STMN2: variants seen among roughly 807,000 people sequenced by gnomAD.
The protein encoded by STMN2 is stathmin-2.
A neutral mutation model predicts 24.1 loss-of-function variants in STMN2; 2 were observed. That is an observed-to-expected ratio of 0.08 (90% confidence interval 0.03 to 0.26). The LOEUF (loss-of-function observed/expected upper bound fraction) is 0.26, where lower values mean the gene tolerates loss of function less well. STMN2 is among the 10% of genes least tolerant of loss of function. The probability of loss-of-function intolerance (pLI) is 1.00; values close to 1 mark genes in which losing one functional copy is unlikely to be tolerated. For synonymous variants in STMN2, 83 were observed against 77.5 expected, an observed-to-expected ratio of 1.07 and a Z score of -0.37; for missense variants, 114 against 213.6, an observed-to-expected ratio of 0.53 and a Z score of 2.91.
chr8:79,650,061 T>C (rs956102894), intron 3 of STMN2, among the ~76,000 whole-genome samples: 9 of 152,176 alleles, frequency 5.9e-5, no homozygotes, highest in African/African-American at 2.2e-4. Context: ...TCGAGAAGGT[T>C]CTTTAGTCTC....
At chr8:79,618,261 T>G (rs940040592) in intron 1 of STMN2, among the ~76,000 whole-genome samples, 1 of 152,228 alleles carries the variant, frequency 6.6e-6, no homozygotes, top group African/African-American at 2.4e-5. Flanking sequence ...TGATTTAGGC[T>G]TTGGGAGAAA....
chr8:79,612,100 G>C (rs1490780993), intron 1 of STMN2, among the ~76,000 whole-genome samples: 3 of 112,900 alleles, frequency 2.7e-5, no homozygotes, highest in Non-Finnish European at 5.1e-5. Flanking sequence ...ATCTTCATTC[G>C]AAAGGGGGTC....
chr8:79,644,562 C>T (rs7823140), intron 3 of STMN2, among the ~76,000 whole-genome samples: 5 of 152,100 alleles, frequency 3.3e-5, no homozygotes, highest in African/African-American at 1.2e-4. Flanking sequence ...CACTGACCTG[C>T]AAAGGATTTT....
Position 79,631,540 on chromosome 8 carries a change from G to A in STMN2, c.20-5262G>A, listed in dbSNP as rs1479530030. On this transcript the variant is annotated intron_variant, in intron 1 of 4. Coordinates refer to ENST00000220876, the MANE Select transcript of STMN2 (RefSeq NM_007029.4). ...GTGATCTTCTGATATGTTAAAAAGG[G>A]TATTTTAAAATCTGAGTTATTTCTT... 7 of 770,762 alleles carry A rather than the reference G, an allele frequency of 9.1e-6. No homozygotes were observed. The African/African-American group carries it at 1.1e-4, about 12-fold the overall frequency. The allele number at this position is 770,762 out of a possible 1,614,324, so 47.7% of individuals were successfully genotyped here.
intron 1 of STMN2, among the ~76,000 whole-genome samples, chr8:79,613,312 G>T (rs1014693563): frequency 1.3e-5 from 2 of 152,178 alleles, no homozygotes; most frequent in Non-Finnish European, 2.9e-5. Context: ...GGGTGGGGGC[G>T]CACGTGGCGA....
chr8:79,615,755 G>C (rs1809369230), intron 1 of STMN2, among the ~76,000 whole-genome samples: 1 of 152,202 alleles, frequency 6.6e-6, no homozygotes, highest in Non-Finnish European at 1.5e-5. Flanking sequence ...CCTAGTGGAT[G>C]AACAGAGCTT....
chr8:79,643,149 G>GTGTGTATATATATATATATATATATATA (rs764308760), intron 3 of STMN2, among the ~76,000 whole-genome samples: 18 of 140,092 alleles, frequency 1.3e-4, no homozygotes, highest in African/African-American at 4.7e-4. Context: ...ATGTGTGTGT[G>GTGTGTATATATATATATATATATATATA]TATATATATA....
At chr8:79,663,116 A>G (rs1806534286) in intron 4 of STMN2, among the ~76,000 whole-genome samples, 1 of 152,118 alleles carries the variant, frequency 6.6e-6, no homozygotes, top group Non-Finnish European at 1.5e-5. Context: ...CTCTTTCTCT[A>G]GAGTCAACTT....
chr8:79,618,231 G>C (rs766984559), intron 1 of STMN2, among the ~76,000 whole-genome samples: 13 of 152,154 alleles, frequency 8.5e-5, no homozygotes, highest in Non-Finnish European at 1.3e-4. Context: ...CTTACCTGGG[G>C]CTTATTCAAA....
chr8:79,636,869 T>C lies in STMN2; in HGVS notation c.87T>C (p.Pro29=), dbSNP rs1585891813. ...SLICSCFYPE[P]RNINIYTYDD... is the part of the protein sequence containing the mutation. ...TCTGCTCTTGCTTTTACCCGGAACC[T>C]CGCAACATCAACATCTATACTTACG... The change falls in exon 2 of 5, where the codon CCT becomes CCC. Residue 29 remains proline, a synonymous_variant. Transcript: ENST00000220876. 6.2e-7 allele frequency: 1 copy of C among 1,613,850 alleles called. No homozygotes were observed. Among genetic ancestry groups the C allele is most frequent in the Non-Finnish European group, 8.5e-7 (1 of 1,179,810 alleles).
chr8:79,627,694 CATAT>C (rs1000624614), intron 1 of STMN2, among the ~76,000 whole-genome samples: 1 of 151,874 alleles, frequency 6.6e-6, no homozygotes, highest in Non-Finnish European at 1.5e-5. Context: ...TTATGCCTAT[CATAT>C]ATATACTTAT....
intron 1 of STMN2, among the ~76,000 whole-genome samples, chr8:79,624,420 C>G (rs1305525148): frequency 6.6e-5 from 9 of 136,122 alleles, no homozygotes; most frequent in East Asian, 2.2e-4. Context: ...TACCACTGCA[C>G]TCCAGCCTGG....
intron 3 of STMN2, among the ~76,000 whole-genome samples, chr8:79,644,643 A>C (rs1169358075): frequency 2.6e-5 from 4 of 152,230 alleles, no homozygotes; most frequent in Admixed American, 6.5e-5. Flanking sequence ...TTCTCACAAG[A>C]GGAAGGGGTA....
At chr8:79,613,640 T>C (rs1379931888) in intron 1 of STMN2, 2 of 985,372 alleles carry the variant, frequency 2.0e-6, no homozygotes, top group Middle Eastern at 5.2e-4. Context: ...AATGATTCAG[T>C]AGCCTTGTTT....
chr8:79,640,726 A>T (rs1167204367), intron 2 of STMN2, among the ~76,000 whole-genome samples: 18 of 152,222 alleles, frequency 1.2e-4, no homozygotes. Flanking sequence ...TGCATGATTG[A>T]TGACTGGAAG....
chr8:79,623,196 G>A (rs1297514034), intron 1 of STMN2, among the ~76,000 whole-genome samples: 1 of 152,166 alleles, frequency 6.6e-6, no homozygotes, highest in African/African-American at 2.4e-5. Flanking sequence ...AAAGGATATG[G>A]ATACTTAGAG....
intron 1 of STMN2, 54 bp downstream of exon 1, chr8:79,611,268 C>T: frequency 6.2e-7 from 1 of 1,608,386 alleles, no homozygotes; most frequent in Non-Finnish European, 8.5e-7. Context: ...CACCTCTCAC[C>T]TCCTCTCTTG....
chr8:79,660,324 A>G (rs1157622564), intron 4 of STMN2, among the ~76,000 whole-genome samples: 2 of 152,204 alleles, frequency 1.3e-5, no homozygotes, highest in Non-Finnish European at 2.9e-5. Flanking sequence ...GTCAATGCCA[A>G]GACTTCTGAG....
intron 1 of STMN2, chr8:79,613,832 T>A: frequency 2.0e-6 from 2 of 985,344 alleles, no homozygotes; most frequent in Non-Finnish European, 2.4e-6. Context: ...GGATTATGTA[T>A]GTTCATGTGG....
Sources: allele counts gnomAD v4.1 joint callset (sites outside exome capture counted in the v4.1 genomes callset), GRCh38; gene constraint gnomAD v4.1.1; transcripts MANE v1.5; gene names NCBI Gene and HGNC (gene_info 2026-07-23, HGNC 2026-07-21).